CPNE8: variants seen among roughly 807,000 people sequenced by gnomAD.
CPNE8 encodes the protein copine 8, also known as copine-8.
In CPNE8, 45 loss-of-function variants were observed where a neutral mutation model predicts 81.5. The ratio of observed to expected loss-of-function variants is 0.55; its 90% CI spans 0.44 to 0.71. The LOEUF (loss-of-function observed/expected upper bound fraction) is 0.71, where lower values mean the gene tolerates loss of function less well. CPNE8 is among the 30% of genes least tolerant of loss of function. The probability of loss-of-function intolerance (pLI) is 0.00; values close to 1 mark genes in which losing one functional copy is unlikely to be tolerated. For synonymous variants in CPNE8, 252 were observed against 226.3 expected (o/e 1.11, Z -1.02); for missense variants, 594 against 672.1 (o/e 0.88, Z 1.28).
chr12:38,902,348 G>GAA (rs1368812846), intron 1 of CPNE8, among the ~76,000 whole-genome samples: 13 of 64,744 alleles, frequency 2.0e-4, no homozygotes, highest in African/African-American at 1.4e-3. Flanking sequence ...AAGAAAGAAA[G>GAA]AAAGAAAGAA....
At chr12:38,904,334 T>C (rs1196941980) in intron 1 of CPNE8, among the ~76,000 whole-genome samples, 1 of 152,196 alleles carries the variant, frequency 6.6e-6, no homozygotes, top group African/African-American at 2.4e-5. Context: ...TTTAGCACCA[T>C]CGCTCATCTC....
At chr12:38,694,603 ATACTGTG>A (rs1466560519) in intron 14 of CPNE8, among the ~76,000 whole-genome samples, 1 of 152,226 alleles carries the variant, frequency 6.6e-6, no homozygotes, top group Non-Finnish European at 1.5e-5. Context: ...CAAAATGCTT[ATACTGTG>A]TAGGATGTTG....
chr12:38,684,470 G>A (rs375347524), intron 16 of CPNE8, among the ~76,000 whole-genome samples: 21 of 152,142 alleles, frequency 1.4e-4, no homozygotes, highest in South Asian at 4.1e-4. Flanking sequence ...GATTTTGTCC[G>A]AAAAATTCAA....
chr12:38,844,922 T>A lies in CPNE8; in HGVS notation c.290+3637A>T, dbSNP rs145437321. Among the ~76,000 whole-genome samples, 360 of 152,288 alleles carry A rather than the reference T, an allele frequency of 2.4e-3. 2 individuals are homozygous for A. Among genetic ancestry groups the A allele is most frequent in the African/African-American group, 8.3e-3 (347 of 41,574 alleles). On this transcript the variant is annotated intron_variant, in intron 4 of 19. Coordinates refer to ENST00000331366, the MANE Select transcript of CPNE8 (RefSeq NM_153634.3). ...CTATCTGTTGGTCAATTTACACTAG[T>A]GCATCTTTCAGCATGCTGTTCCTTC...
intron 10 of CPNE8, among the ~76,000 whole-genome samples, chr12:38,748,696 G>A (rs1298377418): frequency 6.6e-6 from 1 of 151,826 alleles, no homozygotes; most frequent in African/African-American, 2.4e-5. Flanking sequence ...GTAGAGACGG[G>A]GTTTCACAGT....
chr12:38,900,947 G>T (rs1481613669), intron 1 of CPNE8, among the ~76,000 whole-genome samples: 1 of 152,066 alleles, frequency 6.6e-6, no homozygotes, highest in Non-Finnish European at 1.5e-5. Context: ...TGGCCAGGGG[G>T]GCAGTGGCTC....
intron 10 of CPNE8, among the ~76,000 whole-genome samples, chr12:38,737,457 A>C (rs928846528): frequency 1.3e-5 from 2 of 152,176 alleles, no homozygotes; most frequent in Non-Finnish European, 2.9e-5. Context: ...AAAAAATTTT[A>C]CTTTATGTAG....
chr12:38,828,883 T>C (rs1354775775), intron 6 of CPNE8, among the ~76,000 whole-genome samples: 3 of 152,174 alleles, frequency 2.0e-5, no homozygotes, highest in African/African-American at 7.2e-5. Flanking sequence ...AACATGATCC[T>C]AGTAATTGAA....
At chr12:38,884,553 A>G (rs1944211699) in intron 1 of CPNE8, among the ~76,000 whole-genome samples, 1 of 152,174 alleles carries the variant, frequency 6.6e-6, no homozygotes, top group Admixed American at 6.5e-5. Context: ...TACATACCTA[A>G]CAGAATTGCT....
chr12:38,715,549 C>A (rs1940365410), intron 13 of CPNE8, among the ~76,000 whole-genome samples: 1 of 151,926 alleles, frequency 6.6e-6, no homozygotes, highest in Non-Finnish European at 1.5e-5. Flanking sequence ...AACATACGAT[C>A]ATCTCAATAG....
chr12:38,676,552 C>A (rs1285997914), intron 17 of CPNE8, among the ~76,000 whole-genome samples: 1 of 151,532 alleles, frequency 6.6e-6, no homozygotes, highest in African/African-American at 2.4e-5. Flanking sequence ...GCAATTTTCA[C>A]AGTAAATGAG....
At chr12:38,668,011 C>T (rs769773954) in intron 19 of CPNE8, among the ~76,000 whole-genome samples, 58 of 152,246 alleles carry the variant, frequency 3.8e-4, no homozygotes, top group Non-Finnish European at 6.8e-4. Context: ...GTTGGCCAGG[C>T]GGGTCTTGAA....
At chr12:38,902,348 GAA>G (rs1368812846) in intron 1 of CPNE8, among the ~76,000 whole-genome samples, 21 of 64,734 alleles carry the variant, frequency 3.2e-4, no homozygotes, top group African/African-American at 2.1e-3. Context: ...AAGAAAGAAA[GAA>G]AGAAAGAAAG....
chr12:38,845,858 C>T (rs1943550842), intron 4 of CPNE8, among the ~76,000 whole-genome samples: 1 of 152,082 alleles, frequency 6.6e-6, no homozygotes, highest in African/African-American at 2.4e-5. Context: ...CTTTCTAGCC[C>T]TAATTGTTTG....
At chr12:38,669,811 A>G (rs539761731) in intron 19 of CPNE8, among the ~76,000 whole-genome samples, 1 of 152,260 alleles carries the variant, frequency 6.6e-6, no homozygotes, top group South Asian at 2.1e-4. Context: ...CTTTCCCTTC[A>G]TGTGTGCTAA....
At chr12:38,798,066 C>A (rs1426919875) in intron 6 of CPNE8, among the ~76,000 whole-genome samples, 2 of 152,158 alleles carry the variant, frequency 1.3e-5, no homozygotes, top group African/African-American at 2.4e-5. Flanking sequence ...ACCAAATCTA[C>A]GTCTCATTGG....
intron 4 of CPNE8, among the ~76,000 whole-genome samples, chr12:38,847,463 A>T (rs1943578003): frequency 6.6e-6 from 1 of 152,192 alleles, no homozygotes; most frequent in South Asian, 2.1e-4. Context: ...TCTAAAATAA[A>T]CATAATCAGG....
chr12:38,700,929 A>G (rs1244509028), intron 14 of CPNE8, among the ~76,000 whole-genome samples: 3 of 152,192 alleles, frequency 2.0e-5, no homozygotes, highest in Non-Finnish European at 4.4e-5. Context: ...CTCCCTAGCC[A>G]TGTAGAACTG....
At chr12:38,756,219 C>A (rs2136836881) in intron 10 of CPNE8, among the ~76,000 whole-genome samples, 1 of 152,158 alleles carries the variant, frequency 6.6e-6, no homozygotes, top group East Asian at 1.9e-4. Context: ...GTTAAAAATG[C>A]CATCAGAATT....
Sources: gnomAD v4.1 joint callset for allele counts (sites outside exome capture counted in the v4.1 genomes callset) on GRCh38, gnomAD v4.1.1 for gene constraint, MANE v1.5 for transcripts, NCBI Gene and HGNC (gene_info 2026-07-23, HGNC 2026-07-21) for gene names.